The following SIGLECL1 variants were observed in gnomAD, a reference collection of about 807,000 sequenced individuals.
SIGLECL1 encodes the protein SIGLEC family-like protein 1.
A neutral mutation model predicts 19.1 loss-of-function variants in SIGLECL1; 16 were observed. The ratio of observed to expected loss-of-function variants is 0.84; its 90% confidence interval spans 0.57 to 1.27. The LOEUF is 1.27. Ranked by LOEUF, SIGLECL1 falls within the 50% of genes most tolerant of loss-of-function variation. The pLI, the probability that SIGLECL1 is intolerant of heterozygous loss-of-function variation, is 0.00. For missense variants in SIGLECL1, 210 were observed against 239.4 expected (o/e 0.88, Z 0.81); for synonymous variants, 89 against 90.4 (o/e 0.98, Z 0.09).
rs186905113 is a variant in SIGLECL1, at chr19:51,251,310, T to G, written c.-426T>G. The G allele has an allele frequency of 1.4e-3, 217 of 152,692 alleles. No individual in the cohort carries two copies. The highest frequency in any genetic ancestry group is 4.6e-3 in the African/African-American group (191 of 41,570). The allele number at this position is 152,692 out of a possible 1,614,324, so 9.5% of individuals were successfully genotyped here. A position where few individuals can be genotyped will look rare whatever the true frequency, so the allele number is the denominator to read the frequency against. On this transcript the variant is annotated 5_prime_UTR_variant, in exon 1 of 6. Transcript: ENST00000601727. ...TAACTGGGCTTCCAGTCAGCGTCAG[T>G]CAGCGGATCCTTGGGCCGTGGGGCA...
In SIGLECL1 at chr19:51,264,087, A is replaced by G. The variant is rs1475576980; in HGVS notation, c.15A>G (p.Leu5=). The G allele has an allele frequency of 2.5e-6, 4 of 1,606,358 alleles. No homozygotes were observed. Among genetic ancestry groups the G allele is most frequent in the Admixed American group, 1.7e-5 (1 of 59,838 alleles). The change falls in exon 2 of 6, where the codon CTA becomes CTG. Residue 5 remains leucine (L), a synonymous_variant. Coordinates refer to ENST00000601727, the MANE Select transcript of SIGLECL1 (RefSeq NM_001385465.1). MLPL[L]QLVPAKLLNS... Reference sequence around the variant, plus strand: ...TGCTGGAAGTGATGCTTCCACTGCTACAGCTGGGTAAGTAAGGTGAGAAGC... The same window carrying G: ...TGCTGGAAGTGATGCTTCCACTGCTGCAGCTGGGTAAGTAAGGTGAGAAGC...
rs368132467 is a variant in SIGLECL1 at position 51,265,887 on chromosome 19, G to A, written c.410+5G>A. On this transcript the variant is annotated splice_donor_5th_base_variant and intron_variant, in intron 4 of 5. Transcript: ENST00000601727. ...CCTCTGCCTCCTCCCTCTCATGTGA[G>A]TACTAGGGTTAATATTCACCCGCAA... 228 of 1,613,656 alleles carry A rather than the reference G, an allele frequency of 1.4e-4. 1 individual carries two copies. Among genetic ancestry groups the A allele is most frequent in the Non-Finnish European group, 1.8e-4 (216 of 1,179,706 alleles).
chr19:51,253,076 A>G (rs1230233754), intron 1 of SIGLECL1, among the ~76,000 whole-genome samples: 2 of 151,626 alleles, frequency 1.3e-5, no homozygotes, highest in African/African-American at 4.9e-5. Flanking sequence ...GCAGTGAGCC[A>G]TGTTCATGCC....
At chr19:51,263,122 A>T (rs892638732) in intron 1 of SIGLECL1, among the ~76,000 whole-genome samples, 2 of 152,124 alleles carry the variant, frequency 1.3e-5, no homozygotes, top group Non-Finnish European at 2.9e-5. Context: ...TGGAATTACT[A>T]TGGATTTTTA....
At chr19:51,261,384 G>A (rs1265048447) in intron 1 of SIGLECL1, among the ~76,000 whole-genome samples, 1 of 152,118 alleles carries the variant, frequency 6.6e-6, no homozygotes, top group Admixed American at 6.6e-5. Context: ...TGCCTCCCAG[G>A]TTCATGCCAT....
upstream of SIGLECL1, among the ~76,000 whole-genome samples, chr19:51,248,264 G>A (rs1037767846): frequency 4.6e-5 from 7 of 152,172 alleles, no homozygotes; most frequent in African/African-American, 1.7e-4. Context: ...GGGGTTACCA[G>A]CCTTCCTTGT....
chr19:51,263,163 A>G (rs11084065), intron 1 of SIGLECL1, among the ~76,000 whole-genome samples: 82,806 of 152,084 alleles, frequency 0.54, 22,857 homozygotes, highest in Admixed American at 0.63. Flanking sequence ...ATTGGAATTG[A>G]TCATTTTTTT....
chr19:51,250,927 CCT>C (rs1310274193), upstream of SIGLECL1, among the ~76,000 whole-genome samples: 1 of 152,186 alleles, frequency 6.6e-6, no homozygotes, highest in Non-Finnish European at 1.5e-5. Flanking sequence ...GCTCATGCAG[CCT>C]CTGATTGGCT....
chr19:51,261,411 C>A (rs956179024), intron 1 of SIGLECL1, among the ~76,000 whole-genome samples: 7 of 152,140 alleles, frequency 4.6e-5, no homozygotes, highest in Non-Finnish European at 1.0e-4. Context: ...GCCTCGGCCT[C>A]CTGAGTAGCT....
intron 4 of SIGLECL1, among the ~76,000 whole-genome samples, chr19:51,266,912 G>C (rs1983721397): frequency 2.0e-5 from 3 of 152,124 alleles, no homozygotes; most frequent in Non-Finnish European, 4.4e-5. Flanking sequence ...GAGAGAGTGA[G>C]AGCCAGAAGG....
intron 1 of SIGLECL1, among the ~76,000 whole-genome samples, chr19:51,255,282 T>G (rs1361933270): frequency 6.7e-6 from 1 of 149,804 alleles, no homozygotes; most frequent in African/African-American, 2.5e-5. Context: ...AAAAAAAGAC[T>G]TAAATATAAG....
At chr19:51,252,644 A>G (rs1982563938) in intron 1 of SIGLECL1, among the ~76,000 whole-genome samples, 1 of 152,204 alleles carries the variant, frequency 6.6e-6, no homozygotes, top group African/African-American at 2.4e-5. Context: ...TGAATGAGAG[A>G]GGCATTTAAC....
In SIGLECL1 at chr19:51,268,736, C is replaced by G. The variant is rs1740149399; in HGVS notation, c.*139C>G. 1 of 718,158 alleles carries G rather than the reference C, an allele frequency of 1.4e-6. No individual in the cohort carries two copies. The highest frequency in any genetic ancestry group is 2.7e-5 in the East Asian group (1 of 37,636). 44.5% of individuals were successfully genotyped at this position (718,158 alleles called of 1,614,324 possible). On this transcript the variant is annotated 3_prime_UTR_variant, in exon 6 of 6. Transcript: ENST00000601727. ...CTGGACTCTCCTCAGCTCACAAAAC[C>G]CTCTCAATTCCTACACATCCCTTAA...
At chr19:51,261,464 A>G (rs1983216585) in intron 1 of SIGLECL1, among the ~76,000 whole-genome samples, 1 of 151,550 alleles carries the variant, frequency 6.6e-6, no homozygotes, top group Non-Finnish European at 1.5e-5. Flanking sequence ...AATTTTTTGT[A>G]TTTTTAGTAG....
At position 51,268,605 on chromosome 19, in the gene SIGLECL1, G is replaced by A; in HGVS notation, c.*8G>A. On this transcript the variant is annotated 3_prime_UTR_variant, in exon 6 of 6. Transcript: ENST00000601727. Reference sequence around the variant, plus strand: ...GATAAACGAGCCAGCTAAGCCTGTGGAACATGCCTCATACCTGGAGTCGCC... The same window carrying A: ...GATAAACGAGCCAGCTAAGCCTGTGAAACATGCCTCATACCTGGAGTCGCC... 1 of 1,613,508 alleles carries A rather than the reference G, an allele frequency of 6.2e-7. No individual in the cohort carries two copies. The highest frequency in any genetic ancestry group is 8.5e-7 in the Non-Finnish European group (1 of 1,179,870).
In SIGLECL1 at chr19:51,265,489, G is replaced by A. The variant is rs1445043023; in HGVS notation, c.144G>A (p.Val48=). The A allele has an allele frequency of 2.5e-6, 4 of 1,614,158 alleles. No homozygotes were observed. The highest frequency in any genetic ancestry group is 3.3e-4 in the Middle Eastern group (2 of 6,046). Residue 48 remains valine (V), a synonymous_variant, in exon 3 of 6, where the codon GTG becomes GTA. Coordinates refer to ENST00000601727, the MANE Select transcript of SIGLECL1 (RefSeq NM_001385465.1). ...QWWMGGVPVG[V]DGMDGSLQVT... is the part of the protein sequence containing the mutation. ...GGATGGGAGGAGTCCCCGTGGGTGT[G>A]GATGGCATGGATGGCAGCCTCCAAG...
At chr19:51,262,790 G>A (rs1983329686) in intron 1 of SIGLECL1, among the ~76,000 whole-genome samples, 1 of 152,140 alleles carries the variant, frequency 6.6e-6, no homozygotes, top group Non-Finnish European at 1.5e-5. Flanking sequence ...GATCACATAT[G>A]TATAGGTATT....
chr19:51,253,000 G>C (rs901822710), intron 1 of SIGLECL1, among the ~76,000 whole-genome samples: 4 of 151,942 alleles, frequency 2.6e-5, no homozygotes, highest in African/African-American at 9.7e-5. Context: ...GGTGGCTTGT[G>C]CTTATAGTCC....
At chr19:51,263,543 G>T (rs1019547601) in intron 1 of SIGLECL1, among the ~76,000 whole-genome samples, 1 of 152,046 alleles carries the variant, frequency 6.6e-6, no homozygotes, top group Non-Finnish European at 1.5e-5. Context: ...AGGCCAAGGC[G>T]GGTCAGGTGT....
Sources: gnomAD v4.1 joint callset for allele counts (sites outside exome capture counted in the v4.1 genomes callset) on GRCh38, gnomAD v4.1.1 for gene constraint, MANE v1.5 for transcripts, NCBI Gene and HGNC (gene_info 2026-07-23, HGNC 2026-07-21) for gene names.